The following ADNP2 variants were observed in gnomAD, a reference collection of about 807,000 sequenced individuals.
The protein encoded by ADNP2 is activity-dependent neuroprotector homeobox protein 2.
ADNP2 carries 8 observed loss-of-function variants against 16.4 expected under a neutral mutation model. The observed-to-expected ratio is 0.49, with a 90% CI of 0.29 to 0.88. ADNP2 has a LOEUF of 0.88. ADNP2 is among the 40% of genes least tolerant of loss of function. ADNP2 has a pLI of 0.09. For missense variants in ADNP2, 1,397 were observed against 1,395.1 expected (o/e 1.00, Z -0.02); for synonymous variants, 637 against 545.8 (o/e 1.17, Z -2.33).
At chr18:80,117,691 A>G (rs192310926) in intron 2 of ADNP2, 41 bp downstream of exon 2, 4 of 1,500,570 alleles carry the variant, frequency 2.7e-6, no homozygotes, top group East Asian at 2.3e-5. Context: ...TGGAGGTGAG[A>G]TTTGAACTCG....
intron 2 of ADNP2, among the ~76,000 whole-genome samples, chr18:80,123,625 T>C (rs1423279446): frequency 1.3e-5 from 2 of 152,184 alleles, no homozygotes; most frequent in Admixed American, 6.5e-5. Context: ...CGCCTCGGCC[T>C]CCCAAAGTGC....
In ADNP2 at chr18:80,135,733, C is replaced by T; in HGVS notation, c.320C>T (p.Pro107Leu). 1.2e-6 allele frequency: 2 copies of T among 1,614,200 alleles called. 1 individual carries two copies. ...EDEIDQELVI[P>L]CPNCVFASQP... ...GAAATTGACCAAGAGCTGGTGATCCCTTGCCCAAACTGTGTATTTGCATCT... is the reference window on the plus strand; with the variant it reads ...GAAATTGACCAAGAGCTGGTGATCCTTTGCCCAAACTGTGTATTTGCATCT... The change falls in exon 4 of 4, where the codon CCT (proline) becomes CTT (leucine). Residue 107 changes from proline (P) to leucine (L), a missense_variant. Pro to Leu is a moderately conservative substitution (Grantham distance 98, BLOSUM62 -3). Coordinates refer to ENST00000262198, the MANE Select transcript of ADNP2 (RefSeq NM_014913.4).
intron 3 of ADNP2, among the ~76,000 whole-genome samples, chr18:80,135,276 A>G (rs978564471): frequency 6.6e-6 from 1 of 152,212 alleles, no homozygotes; most frequent in East Asian, 1.9e-4. Context: ...TGACAATACT[A>G]TTTTGTGACA....
At position 80,135,566 on chromosome 18, in the gene ADNP2, T is replaced by C. The variant is rs373205038; in HGVS notation, c.199-46T>C. 3 of 1,519,654 alleles carry C rather than the reference T, an allele frequency of 2.0e-6. No homozygotes were observed. The African/African-American group carries it at 4.1e-5, about 21-fold the overall frequency. The allele number at this position is 1,519,654 out of a possible 1,614,324, so 94.1% of individuals were successfully genotyped here. A position where few individuals can be genotyped will look rare whatever the true frequency, so the allele number is the denominator to read the frequency against. On this transcript the variant is annotated intron_variant, in intron 3 of 3. Transcript: ENST00000262198. ...TCAGGGACTGTGGAAGGTTAGCATC[T>C]GACAGTTTATTCAATTATGCTTAAG...
chr18:80,136,504 A>G lies in ADNP2; in HGVS notation c.1091A>G (p.His364Arg), dbSNP rs753185191. ...TTTCTTTCTCACGGGGTTCCACTTCATCAGTCTGTGAATCCTCCTGTGTTG... is the reference window on the plus strand; with the variant it reads ...TTTCTTTCTCACGGGGTTCCACTTCGTCAGTCTGTGAATCCTCCTGTGTTG... ...PVFLSHGVPL[H>R]QSVNPPVLPL... Residue 364 changes from histidine to arginine, a missense_variant, in exon 4 of 4, where the codon CAT becomes CGT. Physicochemically the swap from His to Arg is conservative, Grantham distance 29. Coordinates refer to ENST00000262198, the MANE Select transcript of ADNP2 (RefSeq NM_014913.4). 1 of 1,614,024 alleles carries G rather than the reference A, an allele frequency of 6.2e-7. No homozygotes were observed. Among genetic ancestry groups the G allele is most frequent in the African/African-American group, 1.3e-5 (1 of 74,906 alleles).
At position 80,136,512 on chromosome 18, in the gene ADNP2, G is replaced by A. The variant is rs2052536285; in HGVS notation, c.1099G>A (p.Val367Met). The A allele has an allele frequency of 6.2e-7, 1 of 1,614,198 alleles. No homozygotes were observed. The highest frequency in any genetic ancestry group is 2.2e-5 in the East Asian group (1 of 44,874). Residue 367 changes from valine to methionine, a missense_variant, in exon 4 of 4, where the codon GTG (valine) becomes ATG (methionine). By Grantham distance (21) the Val-to-Met change is conservative (BLOSUM62 1). Around this residue, in one of 3 missense-constraint regions of ADNP2, gnomAD observed 777 missense variants for 719.4 expected, o/e 1.08. Transcript: ENST00000262198. ...TCACGGGGTTCCACTTCATCAGTCT[G>A]TGAATCCTCCTGTGTTGCCCTTGAG... ...LSHGVPLHQSVNPPVLPLSQP... is the reference protein window; with the variant it reads ...LSHGVPLHQSMNPPVLPLSQP...
Position 80,136,236 on chromosome 18 carries a change from G to A in ADNP2, c.823G>A (p.Ala275Thr). 6.2e-7 allele frequency: 1 copy of A among 1,614,210 alleles called. No homozygotes were observed. The highest frequency in any genetic ancestry group is 1.1e-5 in the South Asian group (1 of 91,090). The change falls in exon 4 of 4, where the codon GCT becomes ACT. Residue 275 changes from alanine to threonine, a missense_variant. Ala to Thr is a moderately conservative substitution (Grantham distance 58, BLOSUM62 0). Transcript: ENST00000262198. ...TGCTCCAAAACCAGCAGCACATTTG[G>A]CTGCACCAGCAAATGGCAGTGCTCC... ...HIAPKPAAHLAAPANGSAPSA... is the reference protein window; with the variant it reads ...HIAPKPAAHLTAPANGSAPSA...
intron 1 of ADNP2, among the ~76,000 whole-genome samples, chr18:80,114,209 A>G (rs1202807611): frequency 1.3e-5 from 2 of 148,536 alleles, no homozygotes; most frequent in Admixed American, 6.7e-5. Flanking sequence ...AAAAAAAGAA[A>G]AAAAAGATCT....
Position 80,133,078 on chromosome 18 carries a change from T to C in ADNP2, c.109-25T>C, listed in dbSNP as rs747393040. The stretch of plus-strand genomic sequence containing the variant: ...CTTTATCTTCTGAATTTACATAATC[T>C]CTTTTTTTTCTCCCTTTTTAAAAGG... On this transcript the variant is annotated intron_variant, in intron 2 of 3. Coordinates refer to ENST00000262198, the MANE Select transcript of ADNP2 (RefSeq NM_014913.4). The C allele has an allele frequency of 1.0e-5, 15 of 1,443,590 alleles. No individual in the cohort carries two copies. In the African/African-American group the frequency reaches 1.1e-4, roughly 11 times the overall value. The allele number at this position is 1,443,590 out of a possible 1,614,324, so 89.4% of individuals were successfully genotyped here. A position where few individuals can be genotyped will look rare whatever the true frequency, so the allele number is the denominator to read the frequency against.
At position 80,135,855 on chromosome 18, in the gene ADNP2, T is replaced by C; in HGVS notation, c.442T>C (p.Ser148Pro). 1 of 1,614,212 alleles carries C rather than the reference T, an allele frequency of 6.2e-7. No individual in the cohort carries two copies. Among genetic ancestry groups the C allele is most frequent in the Non-Finnish European group, 8.5e-7 (1 of 1,180,042 alleles). The change falls in exon 4 of 4, where the codon TCT becomes CCT. Residue 148 changes from serine (S) to proline (P), a missense_variant. Ser to Pro is a moderately conservative substitution (Grantham distance 74). Transcript: ENST00000262198. ...TVNILGETKS[S>P]RSDVISFTCL... ...GAATATTTTAGGTGAAACTAAATCA[T>C]CTAGGAGCGATGTGATAAGTTTCAC...
Position 80,124,063 on chromosome 18 carries a change from CACCTGT to C in ADNP2, c.108+6422_108+6427del, listed in dbSNP as rs1485347895. Among the ~76,000 whole-genome samples the C allele has an allele frequency of 5.9e-5, 9 of 152,136 alleles. No individual in the cohort carries two copies. The East Asian group carries it at 1.5e-3, about 26-fold the overall frequency. On this transcript the variant is annotated intron_variant, in intron 2 of 3. Coordinates refer to ENST00000262198, the MANE Select transcript of ADNP2 (RefSeq NM_014913.4). The stretch of plus-strand genomic sequence containing the variant: ...ATTTTTTAGGATTCACCAGTGAAGC[CACCTGT>C]ACCTGTACTTTTCTCTGTTAGGAAG...
intron 2 of ADNP2, among the ~76,000 whole-genome samples, chr18:80,123,049 C>G (rs528229381): frequency 2.6e-5 from 4 of 152,044 alleles, no homozygotes; most frequent in Non-Finnish European, 4.4e-5. Flanking sequence ...CAGATCCCTT[C>G]TTTGTGCCAA....
Position 80,133,199 on chromosome 18 carries a change from A to AT in ADNP2, c.198+13dup, listed in dbSNP as rs2052509946. 1.9e-6 allele frequency: 3 copies of AT among 1,604,026 alleles called. No individual in the cohort carries two copies. Among genetic ancestry groups the AT allele is most frequent in the Non-Finnish European group, 8.5e-7 (1 of 1,171,056 alleles). ...ACCTTCTGGAAAGAAAGTGGTATGTATTTTTTGCATTTGTTTTTCATGTTT... is the reference window on the plus strand; with the variant it reads ...ACCTTCTGGAAAGAAAGTGGTATGTATTTTTTTGCATTTGTTTTTCATGTTT... On this transcript the variant is annotated splice_region_variant and intron_variant, in intron 3 of 3. Transcript: ENST00000262198.
intron 1 of ADNP2, among the ~76,000 whole-genome samples, chr18:80,114,361 A>AGGG (rs2052376254): frequency 6.6e-6 from 1 of 152,228 alleles, no homozygotes; most frequent in Non-Finnish European, 1.5e-5. Context: ...CTTTATTATT[A>AGGG]AAGTTGAATA....
chr18:80,120,603 G>C (rs12971129), intron 2 of ADNP2, among the ~76,000 whole-genome samples: 64,540 of 151,806 alleles, frequency 0.43, 15,054 homozygotes, highest in African/African-American at 0.61. Context: ...TCCCAGAGTG[G>C]TGGGATTATA....
Position 80,137,157 on chromosome 18 carries a change from G to C in ADNP2, c.1744G>C (p.Val582Leu). ...CAACATTCTGCCTGTGAATCAGCCAGTGAGACCTGGTGCTTCGCAGAACAC... is the reference window on the plus strand; with the variant it reads ...CAACATTCTGCCTGTGAATCAGCCACTGAGACCTGGTGCTTCGCAGAACAC... ...GTNILPVNQP[V>L]RPGASQNTTF... The change falls in exon 4 of 4, where the codon GTG (valine) becomes CTG (leucine). Residue 582 changes from valine to leucine, a missense_variant. By Grantham distance (32) the Val-to-Leu change is conservative. Around this residue, in one of 3 missense-constraint regions of ADNP2, gnomAD observed 777 missense variants for 719.4 expected, o/e 1.08. Transcript: ENST00000262198. This position sits in a 1 kb window ranked among gnomAD's most constrained non-coding sequence, Gnocchi z 4.2. 1 of 1,614,238 alleles carries C rather than the reference G, an allele frequency of 6.2e-7. No individual in the cohort carries two copies. The highest frequency in any genetic ancestry group is 8.5e-7 in the Non-Finnish European group (1 of 1,180,048).
In ADNP2 at chr18:80,111,121, G is replaced by C. The variant is rs114096310; in HGVS notation, c.-14+1649G>C. Among the ~76,000 whole-genome samples, 370 of 152,288 alleles carry C rather than the reference G, an allele frequency of 2.4e-3. 2 individuals carry two copies. The highest frequency in any genetic ancestry group is 8.5e-3 in the African/African-American group (354 of 41,540). On this transcript the variant is annotated intron_variant, in intron 1 of 3. Transcript: ENST00000262198. ...TATCCTAGACCTGTTAGGGCAATGT[G>C]TTACATAGGTGGAAACCGGTATCTC...
chr18:80,112,433 C>CAA (rs958958900), intron 1 of ADNP2, among the ~76,000 whole-genome samples: 11 of 124,458 alleles, frequency 8.8e-5, no homozygotes, highest in African/African-American at 3.2e-4. Context: ...AACTGCTAAA[C>CAA]AAAAAAAAAA....
rs928664540 is a variant in ADNP2, at chr18:80,140,009, A to G, written c.*1200A>G. The stretch of plus-strand genomic sequence containing the variant: ...TTTTCCCCACACGATATTAAAACTT[A>G]AAGCACCAGAACCAGTCATGGAGAC... On this transcript the variant is annotated 3_prime_UTR_variant, in exon 4 of 4. Transcript: ENST00000262198. 1 of 152,210 alleles carries G rather than the reference A, an allele frequency of 6.6e-6. No homozygotes were observed. The highest frequency in any genetic ancestry group is 1.5e-5 in the Non-Finnish European group (1 of 68,050). 9.4% of individuals were successfully genotyped at this position (152,210 alleles called of 1,614,324 possible).
Sources: gnomAD v4.1 joint callset for allele counts (sites outside exome capture counted in the v4.1 genomes callset) on GRCh38, gnomAD v4.1.1 for gene constraint, gnomAD v4.1.1 regional missense constraint, Gnocchi (gnomAD v3.1) non-coding constraint, MANE v1.5 for transcripts, NCBI Gene and HGNC (gene_info 2026-07-23, HGNC 2026-07-21) for gene names.